ZNF423: variants seen among roughly 807,000 people sequenced by gnomAD.
ZNF423 encodes Ebf-associated zinc finger protein.
In ZNF423, 12 loss-of-function variants were observed where a neutral mutation model predicts 95.8. The ratio of observed to expected loss-of-function variants is 0.13; its 90% CI spans 0.08 to 0.20. The LOEUF is 0.20. ZNF423 is among the 10% of genes least tolerant of loss of function. The pLI is 1.00. For synonymous variants in ZNF423, 749 were observed against 711.9 expected, an observed-to-expected ratio of 1.05 and a Z score of -0.83; for missense variants, 1,316 against 1,737.1, an observed-to-expected ratio of 0.76 and a Z score of 4.31.
intron 2 of ZNF423, among the ~76,000 whole-genome samples, chr16:49,736,124 G>A (rs1052048792): frequency 1.3e-5 from 2 of 152,136 alleles, no homozygotes; most frequent in East Asian, 3.9e-4. Flanking sequence ...ATGGATGAGT[G>A]AATTAATTGA....
At chr16:49,551,625 G>GC (rs1189674281) in intron 5 of ZNF423, among the ~76,000 whole-genome samples, 1 of 152,196 alleles carries the variant, frequency 6.6e-6, no homozygotes, top group Non-Finnish European at 1.5e-5. Flanking sequence ...TGCACCTGCT[G>GC]CAAAACACGC....
At chr16:49,559,394 G>A (rs536865475) in intron 5 of ZNF423, among the ~76,000 whole-genome samples, 1 of 152,336 alleles carries the variant, frequency 6.6e-6, no homozygotes, top group Admixed American at 6.5e-5. Flanking sequence ...GGGGCCAGAT[G>A]GCGAGAGATT....
At chr16:49,806,209 A>C (rs1182505939) in intron 1 of ZNF423, among the ~76,000 whole-genome samples, 3 of 152,222 alleles carry the variant, frequency 2.0e-5, no homozygotes, top group African/African-American at 7.2e-5. Flanking sequence ...AAGGTGGTGG[A>C]GCGGGGGGCA....
At chr16:49,732,465 C>T (rs932861555) in intron 2 of ZNF423, among the ~76,000 whole-genome samples, 22 of 152,258 alleles carry the variant, frequency 1.4e-4, no homozygotes, top group African/African-American at 5.1e-4. Context: ...TTTACCCATC[C>T]GGAAACTAGC....
chr16:49,502,829 C>G (rs1967467267), intron 7 of ZNF423, among the ~76,000 whole-genome samples: 1 of 146,054 alleles, frequency 6.8e-6, no homozygotes, highest in Non-Finnish European at 1.5e-5. Flanking sequence ...CTGCCCCCGT[C>G]ATGTGCCCAC....
At chr16:49,664,146 C>T (rs2030404998) in intron 3 of ZNF423, 1 of 985,524 alleles carries the variant, frequency 1.0e-6, no homozygotes, top group Admixed American at 6.1e-5. Flanking sequence ...CCAAGAGGGC[C>T]AGAACCTGAG....
At chr16:49,751,489 G>A (rs2033632776) in intron 2 of ZNF423, among the ~76,000 whole-genome samples, 1 of 152,134 alleles carries the variant, frequency 6.6e-6, no homozygotes, top group African/African-American at 2.4e-5. Flanking sequence ...GGCAGAGATG[G>A]GAGCCCACAT....
chr16:49,590,051 T>TA (rs879296139), intron 5 of ZNF423, among the ~76,000 whole-genome samples: 2 of 134,134 alleles, frequency 1.5e-5, no homozygotes, highest in African/African-American at 2.6e-5. Context: ...TATATATATA[T>TA]TTGGTCCATA....
intron 7 of ZNF423, among the ~76,000 whole-genome samples, chr16:49,510,614 AGTGTCT>A (rs1273771243): frequency 2.0e-5 from 3 of 152,256 alleles, no homozygotes; most frequent in Non-Finnish European, 4.4e-5. Context: ...GTCTGACAGG[AGTGTCT>A]GTGTCTGTGT....
chr16:49,810,006 C>G (rs1317658418), intron 1 of ZNF423, among the ~76,000 whole-genome samples: 1 of 152,040 alleles, frequency 6.6e-6, no homozygotes, highest in Non-Finnish European at 1.5e-5. Flanking sequence ...AAAGGTCTGC[C>G]CAGGCCCCAT....
intron 5 of ZNF423, among the ~76,000 whole-genome samples, chr16:49,605,406 TCCTGAAAAGTAAAATGGAC>T (rs1971506872): frequency 6.6e-6 from 1 of 152,198 alleles, no homozygotes; most frequent in Non-Finnish European, 1.5e-5. Context: ...AGCCTCAGCT[TCCTGAAAAGTAAAATGGAC>T]CACTTAGTCG....
intron 2 of ZNF423, among the ~76,000 whole-genome samples, chr16:49,786,097 T>C (rs374522152): frequency 1.8e-3 from 272 of 152,316 alleles, no homozygotes; most frequent in African/African-American, 6.4e-3. Context: ...AGCAGCCCCA[T>C]TCACCAGCAA....
intron 3 of ZNF423, among the ~76,000 whole-genome samples, chr16:49,712,513 C>T (rs1412581688): frequency 1.3e-5 from 2 of 152,260 alleles, no homozygotes; most frequent in African/African-American, 4.8e-5. Context: ...GCTCCTTCAT[C>T]TCCCCTCACT....
chr16:49,515,854 C>T, intron 7 of ZNF423, among the ~76,000 whole-genome samples: 1 of 152,234 alleles, frequency 6.6e-6, no homozygotes, highest in East Asian at 1.9e-4. Context: ...ACAGAGGTGC[C>T]CATGGGGATG....
chr16:49,597,305 C>G (rs1220836687), intron 5 of ZNF423, among the ~76,000 whole-genome samples: 2 of 152,192 alleles, frequency 1.3e-5, no homozygotes, highest in African/African-American at 4.8e-5. Context: ...CCAGTTGCCA[C>G]TAGCCACATG....
chr16:49,496,376 C>T (rs1967167070), intron 7 of ZNF423, among the ~76,000 whole-genome samples: 1 of 152,108 alleles, frequency 6.6e-6, no homozygotes, highest in South Asian at 2.1e-4. Flanking sequence ...GGAGAGGATC[C>T]CTCACGGACA....
intron 2 of ZNF423, among the ~76,000 whole-genome samples, chr16:49,766,415 G>A (rs920440930): frequency 9.2e-5 from 14 of 152,178 alleles, no homozygotes; most frequent in Non-Finnish European, 1.8e-4. Flanking sequence ...GTTTGTGGCA[G>A]GCAAGAAAAC....
At chr16:49,494,084 T>C (rs1967068846) in intron 7 of ZNF423, among the ~76,000 whole-genome samples, 1 of 152,174 alleles carries the variant, frequency 6.6e-6, no homozygotes, top group African/African-American at 2.4e-5. Context: ...GTGACACACA[T>C]GGCCCACACT....
chr16:49,815,914 A>ATATT lies in ZNF423; in HGVS notation c.41-26369_41-26368insAATA, dbSNP rs1445194160. 4.5e-3 allele frequency among the ~76,000 whole-genome samples: 135 copies of ATATT among 29,714 alleles called. 2 individuals carry two copies. Among genetic ancestry groups the ATATT allele is most frequent in the Non-Finnish European group, 7.0e-3 (122 of 17,482 alleles). The allele number at this position is 29,714 out of a possible 152,430, so 19.5% of individuals were successfully genotyped here. On this transcript the variant is annotated intron_variant, in intron 1 of 7. Transcript: ENST00000563137. ...TATATATATATATATATATATATAT[A>ATATT]TTTTTTTTTTTTTTTTTTTTTTGAG...
Sources: allele counts gnomAD v4.1 joint callset (sites outside exome capture counted in the v4.1 genomes callset), GRCh38; gene constraint gnomAD v4.1.1; transcripts MANE v1.5; gene names NCBI Gene and HGNC (gene_info 2026-07-23, HGNC 2026-07-21).